The following CPXM2 variants were observed in gnomAD, a reference collection of about 807,000 sequenced individuals.
The protein encoded by CPXM2 is inactive carboxypeptidase-like protein X2.
Under a neutral mutation model 86.1 loss-of-function variants are expected in CPXM2, and 66 were observed. That is an observed-to-expected ratio of 0.77 (90% CI 0.63 to 0.94). The LOEUF (loss-of-function observed/expected upper bound fraction) is 0.94, where lower values mean the gene tolerates loss of function less well. CPXM2 is among the 40% of genes least tolerant of loss of function. CPXM2 has a pLI of 0.00. For missense variants in CPXM2, 948 were observed against 1,026.3 expected (o/e 0.92, Z 1.04); for synonymous variants, 388 against 400.2 (o/e 0.97, Z 0.36).
chr10:123,834,588 G>T (rs1848240749), intron 4 of CPXM2, among the ~76,000 whole-genome samples: 1 of 152,190 alleles, frequency 6.6e-6, no homozygotes, highest in Non-Finnish European at 1.5e-5. Flanking sequence ...GGAACAAAAA[G>T]GATGCTCCTG....
chr10:123,827,989 C>A (rs1194781028), intron 4 of CPXM2, among the ~76,000 whole-genome samples: 1 of 152,018 alleles, frequency 6.6e-6, no homozygotes, highest in Non-Finnish European at 1.5e-5. Context: ...TATAGTGAGA[C>A]CCTGTCTCTA....
chr10:123,839,885 T>C (rs1442005374), intron 4 of CPXM2, among the ~76,000 whole-genome samples: 1 of 152,162 alleles, frequency 6.6e-6, no homozygotes, highest in African/African-American at 2.4e-5. Context: ...TGGCTTGAAA[T>C]ACATTTTTTA....
intron 10 of CPXM2, among the ~76,000 whole-genome samples, chr10:123,764,008 A>G (rs1193826773): frequency 6.6e-6 from 1 of 152,224 alleles, no homozygotes; most frequent in African/African-American, 2.4e-5. Flanking sequence ...TTGCCAAACA[A>G]TGGACATATA....
chr10:123,926,458 A>AGTT (rs1945622681), intron 2 of CPXM2, among the ~76,000 whole-genome samples: 1 of 152,232 alleles, frequency 6.6e-6, no homozygotes, highest in South Asian at 2.1e-4. Context: ...AACTCGCCTG[A>AGTT]CAAATGCTTC....
chr10:123,782,241 T>C (rs189805937), intron 6 of CPXM2, among the ~76,000 whole-genome samples: 2 of 152,292 alleles, frequency 1.3e-5, no homozygotes, highest in East Asian at 1.9e-4. Flanking sequence ...AGGCAAAACA[T>C]GTATTTTGCA....
At chr10:123,930,144 T>C (rs1945655107) in intron 2 of CPXM2, among the ~76,000 whole-genome samples, 1 of 152,184 alleles carries the variant, frequency 6.6e-6, no homozygotes, top group Non-Finnish European at 1.5e-5. Flanking sequence ...CACCTCACAG[T>C]GACACACTTT....
chr10:123,880,828 C>CAAAA (rs71484548), intron 1 of CPXM2, among the ~76,000 whole-genome samples: 15,735 of 53,636 alleles, frequency 0.29, 3,155 homozygotes, highest in African/African-American at 0.32. Context: ...GATTCCGTCT[C>CAAAA]AAAAAAAAAA....
chr10:123,780,125 T>C (rs1286185286), intron 7 of CPXM2, 42 bp downstream of exon 7: 1 of 1,330,496 alleles, frequency 7.5e-7, no homozygotes, highest in Non-Finnish European at 1.1e-6. Context: ...TGTTGCTTTT[T>C]TGACAAATTC....
At chr10:123,802,110 G>A (rs1847471532) in intron 4 of CPXM2, among the ~76,000 whole-genome samples, 1 of 152,196 alleles carries the variant, frequency 6.6e-6, no homozygotes, top group South Asian at 2.1e-4. Context: ...CAGAGGAAGG[G>A]ACAGGGGAGC....
chr10:123,746,884 T>G lies in CPXM2; in HGVS notation c.2151A>C (p.Thr717=). The part of the protein sequence containing the change: ...YDMGATRCDF[T]LSKTNMARIR... The stretch of plus-strand genomic sequence containing the variant: ...TCCTGGCCATGTTGGTTTTGCTAAG[T>G]GTGAAGTCACACCTTGTGGCCCCCA... The change falls in exon 14 of 14, where the codon ACA becomes ACC. Residue 717 remains threonine (T), a synonymous_variant. Coordinates refer to ENST00000241305, the MANE Select transcript of CPXM2 (RefSeq NM_198148.3). 5 of 1,614,162 alleles carry G rather than the reference T, an allele frequency of 3.1e-6. No individual in the cohort carries two copies. The highest frequency in any genetic ancestry group is 4.2e-6 in the Non-Finnish European group (5 of 1,180,038).
chr10:123,921,776 TA>T (rs1291670819), intron 2 of CPXM2, among the ~76,000 whole-genome samples: 2 of 152,094 alleles, frequency 1.3e-5, no homozygotes, highest in African/African-American at 4.8e-5. Context: ...TTTAGGGAGG[TA>T]AAAAGAATCC....
intron 4 of CPXM2, among the ~76,000 whole-genome samples, chr10:123,829,171 T>C (rs1848108829): frequency 6.6e-6 from 1 of 152,230 alleles, no homozygotes; most frequent in East Asian, 1.9e-4. Context: ...GGTGACGAGA[T>C]ATCATTACGC....
chr10:123,914,969 C>T (rs1322824082), intron 2 of CPXM2, among the ~76,000 whole-genome samples: 2 of 152,214 alleles, frequency 1.3e-5, no homozygotes. Context: ...CAAACCCTTT[C>T]ATTGATTCTT....
intron 2 of CPXM2, among the ~76,000 whole-genome samples, chr10:123,903,507 C>A (rs1945403277): frequency 6.6e-6 from 1 of 152,242 alleles, no homozygotes; most frequent in Non-Finnish European, 1.5e-5. Flanking sequence ...CTCCTGGCCT[C>A]CTGGCTCAGC....
At chr10:123,766,199 A>G (rs1462663291) in intron 10 of CPXM2, among the ~76,000 whole-genome samples, 2 of 151,214 alleles carry the variant, frequency 1.3e-5, no homozygotes, top group Admixed American at 6.6e-5. Flanking sequence ...ACATGCTGAC[A>G]TGGCAGAGAC....
intron 7 of CPXM2, among the ~76,000 whole-genome samples, chr10:123,779,385 G>A (rs1373541673): frequency 1.3e-5 from 2 of 152,160 alleles, no homozygotes; most frequent in Non-Finnish European, 2.9e-5. Flanking sequence ...CAAAAGCTCA[G>A]AACTATTGGG....
chr10:123,921,595 G>C (rs867960708), intron 2 of CPXM2, among the ~76,000 whole-genome samples: 1 of 152,204 alleles, frequency 6.6e-6, no homozygotes, highest in African/African-American at 2.4e-5. Context: ...TGAGAGGCAA[G>C]GAATAAAGAC....
At chr10:123,879,558 GCTT>G (rs577286158) in intron 2 of CPXM2, among the ~76,000 whole-genome samples, 93 of 152,218 alleles carry the variant, frequency 6.1e-4, no homozygotes, top group African/African-American at 1.9e-3. Context: ...CTACATAAGT[GCTT>G]AATAAATGGC....
intron 2 of CPXM2, among the ~76,000 whole-genome samples, chr10:123,905,503 C>T (rs1945431341): frequency 6.6e-6 from 1 of 152,204 alleles, no homozygotes; most frequent in Non-Finnish European, 1.5e-5. Context: ...GAGCCCCTGA[C>T]TTTTCTGATA....
Sources: allele counts gnomAD v4.1 joint callset (sites outside exome capture counted in the v4.1 genomes callset), GRCh38; gene constraint gnomAD v4.1.1; transcripts MANE v1.5; gene names NCBI Gene and HGNC (gene_info 2026-07-23, HGNC 2026-07-21).